Variants in ARHGEF26 observed in about 807,000 individuals in gnomAD.
ARHGEF26 encodes Rho guanine nucleotide exchange factor 26.
Under a neutral mutation model 89.4 loss-of-function variants are expected in ARHGEF26, and 59 were observed. The ratio of observed to expected loss-of-function variants is 0.66; its 90% CI spans 0.54 to 0.82. The LOEUF (loss-of-function observed/expected upper bound fraction) is 0.82, where lower values mean the gene tolerates loss of function less well. Ranked by LOEUF, ARHGEF26 falls within the 40% of genes least tolerant of loss-of-function variation. The pLI is 0.00. For synonymous variants in ARHGEF26, 500 were observed against 428.4 expected (o/e 1.17, Z -2.06); for missense variants, 1,234 against 1,085.6 (o/e 1.14, Z -1.92).
chr3:154,246,329 G>C (rs1185824530), intron 12 of ARHGEF26, among the ~76,000 whole-genome samples: 1 of 152,108 alleles, frequency 6.6e-6, no homozygotes, highest in East Asian at 1.9e-4. Flanking sequence ...AATGTGGCTG[G>C]AGCAGAATAA....
chr3:154,184,549 C>T (rs188820836), intron 6 of ARHGEF26, among the ~76,000 whole-genome samples: 78 of 152,244 alleles, frequency 5.1e-4, no homozygotes, highest in African/African-American at 1.6e-3. Context: ...CTTTATTGAC[C>T]GGGTGGAAAC....
At chr3:154,244,508 G>GA (rs1717678996) in intron 12 of ARHGEF26, among the ~76,000 whole-genome samples, 2 of 152,122 alleles carry the variant, frequency 1.3e-5, no homozygotes, top group Admixed American at 1.3e-4. Flanking sequence ...AGCATATAGG[G>GA]AAGTGATCAG....
chr3:154,180,277 A>T (rs1033440033), intron 6 of ARHGEF26, among the ~76,000 whole-genome samples: 1 of 152,156 alleles, frequency 6.6e-6, no homozygotes, highest in Non-Finnish European at 1.5e-5. Flanking sequence ...TTTTGAGATG[A>T]TGGACATTAA....
intron 10 of ARHGEF26, among the ~76,000 whole-genome samples, chr3:154,225,072 T>C (rs1716401410): frequency 6.6e-6 from 1 of 152,090 alleles, no homozygotes; most frequent in Non-Finnish European, 1.5e-5. Context: ...AAAAAAAGCT[T>C]TCAAGGGTAA....
chr3:154,252,583 G>A (rs978238089), intron 12 of ARHGEF26, among the ~76,000 whole-genome samples: 3 of 152,276 alleles, frequency 2.0e-5, no homozygotes, highest in South Asian at 2.1e-4. Flanking sequence ...TTTGGGAACA[G>A]TGTAAAAGTG....
At chr3:154,140,211 G>T (rs1414171624) in intron 4 of ARHGEF26, among the ~76,000 whole-genome samples, 2 of 152,218 alleles carry the variant, frequency 1.3e-5, no homozygotes, top group Non-Finnish European at 1.5e-5. Flanking sequence ...CCACATATTT[G>T]CAGGAGACTT....
intron 6 of ARHGEF26, among the ~76,000 whole-genome samples, chr3:154,165,350 T>A (rs1215582592): frequency 6.6e-6 from 1 of 152,132 alleles, no homozygotes; most frequent in Admixed American, 6.6e-5. Flanking sequence ...AGGATATCAT[T>A]TTATTAATAT....
intron 6 of ARHGEF26, among the ~76,000 whole-genome samples, chr3:154,173,068 A>G (rs544231283): frequency 6.6e-6 from 1 of 152,298 alleles, no homozygotes; most frequent in East Asian, 1.9e-4. Context: ...AGCAACGTTT[A>G]CTTTATTATC....
In ARHGEF26 at chr3:154,122,643, C is replaced by A. The variant is rs376481188; in HGVS notation, c.651C>A (p.Leu217=). ...QKSSSEQKLP[L]QRLPSQENEL... is the part of the protein sequence containing the mutation. ...GTTCTTCGGAACAAAAACTCCCCCT[C>A]CAAAGGCTGCCCTCCCAGGAGAACG... Residue 217 remains leucine (L), a synonymous_variant, in exon 2 of 15, where the codon CTC becomes CTA. Coordinates refer to ENST00000465093, the MANE Select transcript of ARHGEF26 (RefSeq NM_015595.4). 1 of 1,613,800 alleles carries A rather than the reference C, an allele frequency of 6.2e-7. No homozygotes were observed. Among genetic ancestry groups the A allele is most frequent in the African/African-American group, 1.3e-5 (1 of 74,946 alleles).
intron 12 of ARHGEF26, among the ~76,000 whole-genome samples, chr3:154,248,943 A>C (rs1268859222): frequency 6.6e-6 from 1 of 152,026 alleles, no homozygotes; most frequent in Non-Finnish European, 1.5e-5. Flanking sequence ...AGTTGAATTG[A>C]GTTTGTGAGG....
chr3:154,159,585 G>T (rs1711545846), intron 6 of ARHGEF26, among the ~76,000 whole-genome samples: 1 of 151,958 alleles, frequency 6.6e-6, no homozygotes, highest in South Asian at 2.1e-4. Flanking sequence ...TATTAAAATT[G>T]AAATGTCATA....
intron 9 of ARHGEF26, among the ~76,000 whole-genome samples, chr3:154,205,922 A>G (rs1049334839): frequency 2.0e-5 from 3 of 152,114 alleles, no homozygotes; most frequent in South Asian, 2.1e-4. Flanking sequence ...TAGTTTACAC[A>G]CCATAGTTAC....
Position 154,248,109 on chromosome 3 carries a change from A to G in ARHGEF26, c.2301-5007A>G, listed in dbSNP as rs1402867861. Reference sequence around the variant, plus strand: ...TTTAGATGTCATTTGGGTGTAGTGTATACCGTCATGAAACATCTAGGACAT... The same window carrying G: ...TTTAGATGTCATTTGGGTGTAGTGTGTACCGTCATGAAACATCTAGGACAT... On this transcript the variant is annotated intron_variant, in intron 12 of 14. Coordinates refer to ENST00000465093, the MANE Select transcript of ARHGEF26 (RefSeq NM_015595.4). Among the ~76,000 whole-genome samples, 3 of 152,324 alleles carry G rather than the reference A, an allele frequency of 2.0e-5. No individual in the cohort carries two copies. In the East Asian group the frequency reaches 5.8e-4, roughly 29 times the overall value.
intron 6 of ARHGEF26, among the ~76,000 whole-genome samples, chr3:154,178,465 C>G (rs960875772): frequency 1.3e-5 from 2 of 152,092 alleles, no homozygotes; most frequent in Non-Finnish European, 2.9e-5. Flanking sequence ...TTTGACTGTT[C>G]TGGAGATTTC....
chr3:154,121,695 T>G (rs1717928536), intron 1 of ARHGEF26, among the ~76,000 whole-genome samples, 176 bp downstream of exon 1: 1 of 152,208 alleles, frequency 6.6e-6, no homozygotes, highest in Admixed American at 6.5e-5. Context: ...GCTCATTTGC[T>G]GCGGGTGGTC....
chr3:154,163,153 T>C (rs2108121519), intron 6 of ARHGEF26, among the ~76,000 whole-genome samples: 1 of 152,308 alleles, frequency 6.6e-6, no homozygotes, highest in East Asian at 1.9e-4. Context: ...GTGTTTTGAG[T>C]GTTTATTTAG....
In ARHGEF26 at chr3:154,152,892, C is replaced by T; in HGVS notation, c.1447C>T (p.Leu483Phe). Reference protein sequence around the residue: ...DTMTKTERHHLFSNITDVCEA... With the variant: ...DTMTKTERHHFFSNITDVCEA... The stretch of plus-strand genomic sequence containing the variant: ...AATGACTAAAACCGAGAGGCACCAT[C>T]TTTTCTCCAATATTACAGATGTCTG... Residue 483 changes from leucine to phenylalanine, a missense_variant, in exon 6 of 15, where the codon CTT (leucine) becomes TTT (phenylalanine). Physicochemically the swap from Leu to Phe is conservative, Grantham distance 22. Transcript: ENST00000465093. 1 of 1,599,418 alleles carries T rather than the reference C, an allele frequency of 6.3e-7. No homozygotes were observed. Among genetic ancestry groups the T allele is most frequent in the South Asian group, 1.1e-5 (1 of 87,360 alleles).
intron 5 of ARHGEF26, 39 bp from the exon 6 acceptor site, chr3:154,152,732 TA>T: frequency 3.6e-6 from 5 of 1,371,938 alleles, no homozygotes; most frequent in Non-Finnish European, 4.8e-6. Flanking sequence ...GTTCTTTAAT[TA>T]AAAGAATTAA....
At position 154,205,072 on chromosome 3, in the gene ARHGEF26, G is replaced by C. The variant is rs1714929454; in HGVS notation, c.1845+10354G>C. 2.0e-5 allele frequency among the ~76,000 whole-genome samples: 3 copies of C among 152,184 alleles called. No homozygotes were observed. In the South Asian group the frequency reaches 6.2e-4, roughly 32 times the overall value. ...ATGTTTCTTTGTTGATTTTCTGTCT[G>C]GAAGATCTGCCCAGTGCTGAATGTG... On this transcript the variant is annotated intron_variant, in intron 9 of 14. Transcript: ENST00000465093.
Sources: allele counts gnomAD v4.1 joint callset (sites outside exome capture counted in the v4.1 genomes callset), GRCh38; gene constraint gnomAD v4.1.1; transcripts MANE v1.5; gene names NCBI Gene and HGNC (gene_info 2026-07-23, HGNC 2026-07-21).